The following FDFT1 variants were observed in gnomAD, a reference collection of about 807,000 sequenced individuals.
FDFT1 encodes the protein squalene synthase.
In FDFT1, 68 loss-of-function variants were observed where a neutral mutation model predicts 46.8. The observed-to-expected ratio is 1.45, with a 90% CI of 1.19 to 1.78. The LOEUF (loss-of-function observed/expected upper bound fraction) is 1.78, where lower values mean the gene tolerates loss of function less well. Among genes scored for constraint, FDFT1 ranks in the 40% most tolerant of loss-of-function variants. The probability of loss-of-function intolerance (pLI) is 0.00; values close to 1 mark genes in which losing one functional copy is unlikely to be tolerated. For synonymous variants in FDFT1, 351 were observed against 185.1 expected, an observed-to-expected ratio of 1.90 and a Z score of -7.28; for missense variants, 928 against 524.4, an observed-to-expected ratio of 1.77 and a Z score of -7.52.
upstream of FDFT1, chr8:11,802,377 G>C (rs1227792826): frequency 1.5e-5 from 7 of 453,340 alleles, no homozygotes; most frequent in African/African-American, 4.0e-5. Context: ...CCCGACTGCG[G>C]ACCACCGTTG....
At chr8:11,828,506 C>T (rs1007848166) in intron 5 of FDFT1, among the ~76,000 whole-genome samples, 3 of 152,162 alleles carry the variant, frequency 2.0e-5, no homozygotes, top group South Asian at 2.1e-4. Context: ...CTCAGTCTCC[C>T]GGCTCCTAGG....
At position 11,839,160 on chromosome 8, in the gene FDFT1, G is replaced by A. The variant is rs1811982547; in HGVS notation, c.*551G>A. On this transcript the variant is annotated 3_prime_UTR_variant, in exon 8 of 8. Coordinates refer to ENST00000220584, the MANE Select transcript of FDFT1 (RefSeq NM_004462.5). ...ACAAAGGCTGGGAATAAAATTCTGG[G>A]TATTCTCGTATTCTCATTTAAAGGA... 1 of 154,740 alleles carries A rather than the reference G, an allele frequency of 6.5e-6. No individual in the cohort carries two copies. The highest frequency in any genetic ancestry group is 2.4e-5 in the African/African-American group (1 of 41,560). The allele number at this position is 154,740 out of a possible 1,614,324, so 9.6% of individuals were successfully genotyped here.
Position 11,810,373 on chromosome 8 carries a change from G to T in FDFT1, c.381+523G>T, listed in dbSNP as rs886586034. Among the ~76,000 whole-genome samples, 6 of 152,298 alleles carry T rather than the reference G, an allele frequency of 3.9e-5. No homozygotes were observed. In the East Asian group the frequency reaches 5.8e-4, roughly 15 times the overall value. On this transcript the variant is annotated intron_variant, in intron 3 of 7. Transcript: ENST00000220584. ...TAGCATGGGACTGCTGCTCACGATG[G>T]GCAGCAGCCTGGCATGGGGGCGGTG...
chr8:11,824,339 T>C (rs985596483), intron 4 of FDFT1, among the ~76,000 whole-genome samples: 4 of 152,210 alleles, frequency 2.6e-5, no homozygotes, highest in African/African-American at 7.2e-5. Context: ...TATTTGGCAA[T>C]TAAGAGTTGC....
At chr8:11,831,714 A>G (rs372255856) in intron 7 of FDFT1, 44 bp downstream of exon 7, 34 of 1,496,206 alleles carry the variant, frequency 2.3e-5, no homozygotes, top group Non-Finnish European at 3.1e-5. Flanking sequence ...AGCTACTTTT[A>G]TGATTTAGTA....
chr8:11,809,902 A>G (rs776258339), intron 3 of FDFT1, 52 bp downstream of exon 3: 2 of 1,411,842 alleles, frequency 1.4e-6, no homozygotes, highest in Non-Finnish European at 2.0e-6. Flanking sequence ...ATAATTGCTA[A>G]CGTGGTTGTC....
At chr8:11,820,836 C>T (rs938425519) in intron 3 of FDFT1, among the ~76,000 whole-genome samples, 6 of 152,308 alleles carry the variant, frequency 3.9e-5, no homozygotes, top group South Asian at 2.1e-4. Context: ...GATGAGGTGA[C>T]GTCCTGCCCT....
intron 5 of FDFT1, among the ~76,000 whole-genome samples, chr8:11,829,213 A>G (rs1268312925): frequency 2.0e-5 from 3 of 152,222 alleles, no homozygotes; most frequent in African/African-American, 7.2e-5. Flanking sequence ...AATGTACATA[A>G]TAGAGAATTT....
At chr8:11,797,162 C>T (rs777710948) in intron 1 of FDFT1, among the ~76,000 whole-genome samples, 3 of 152,132 alleles carry the variant, frequency 2.0e-5, no homozygotes, top group African/African-American at 4.8e-5. Context: ...CTGCTTCGGC[C>T]CCTCCCTGTT....
intron 1 of FDFT1, 145 bp from the exon 2 acceptor site, chr8:11,808,649 C>T: frequency 1.4e-6 from 2 of 1,409,742 alleles, no homozygotes; most frequent in Admixed American, 3.0e-5. Flanking sequence ...CTCCTGCCGC[C>T]TGGCCCTGCA....
At chr8:11,810,135 C>G (rs1201640161) in intron 3 of FDFT1, among the ~76,000 whole-genome samples, 1 of 152,160 alleles carries the variant, frequency 6.6e-6, no homozygotes, top group Non-Finnish European at 1.5e-5. Flanking sequence ...TCATGGTATT[C>G]TGAGGATTCA....
upstream of FDFT1, chr8:11,802,239 G>T (rs906484388): frequency 2.6e-6 from 1 of 384,536 alleles, no homozygotes; most frequent in Admixed American, 3.3e-5. Flanking sequence ...GCGCTGGCCC[G>T]GCCTTTTCAC....
chr8:11,821,296 T>A (rs193108218), intron 3 of FDFT1, among the ~76,000 whole-genome samples: 15 of 152,308 alleles, frequency 9.8e-5, no homozygotes, highest in African/African-American at 3.4e-4. Flanking sequence ...ATTTATGAAA[T>A]AATAAGAAAC....
chr8:11,833,447 G>T (rs1003770197), intron 7 of FDFT1, among the ~76,000 whole-genome samples: 1 of 152,198 alleles, frequency 6.6e-6, no homozygotes, highest in East Asian at 1.9e-4. Flanking sequence ...AACATTTTAT[G>T]TAGTAAGTAG....
intron 5 of FDFT1, among the ~76,000 whole-genome samples, chr8:11,827,648 A>G (rs1810185681): frequency 6.6e-6 from 1 of 152,230 alleles, no homozygotes; most frequent in African/African-American, 2.4e-5. Flanking sequence ...AAAAATGGGC[A>G]AGGAGATAAG....
intron 1 of FDFT1, chr8:11,808,146 G>A (rs1807110292): frequency 3.5e-6 from 2 of 570,362 alleles, no homozygotes; most frequent in Admixed American, 5.9e-5. Context: ...AGGATTCTTG[G>A]TAAAACTGGG....
In FDFT1 at chr8:11,839,095, C is replaced by T. The variant is rs1346826774; in HGVS notation, c.*486C>T. 6.4e-6 allele frequency: 1 copy of T among 157,240 alleles called. No homozygotes were observed. Among genetic ancestry groups the T allele is most frequent in the Admixed American group, 6.1e-5 (1 of 16,350 alleles). 9.7% of individuals were successfully genotyped at this position (157,240 alleles called of 1,614,324 possible). On this transcript the variant is annotated 3_prime_UTR_variant, in exon 8 of 8. Transcript: ENST00000220584. The stretch of plus-strand genomic sequence containing the variant: ...ATAGAAATATTTATGGTTTAGGTAA[C>T]AGTTAGATGTTTCCTAAGAATGCAA...
chr8:11,835,574 G>A (rs1254717358), intron 7 of FDFT1, among the ~76,000 whole-genome samples: 1 of 152,116 alleles, frequency 6.6e-6, no homozygotes, highest in Non-Finnish European at 1.5e-5. Context: ...GGTTTTTGTT[G>A]GTTGTGTATA....
At chr8:11,830,677 G>A (rs898702390) in intron 6 of FDFT1, among the ~76,000 whole-genome samples, 2 of 152,156 alleles carry the variant, frequency 1.3e-5, no homozygotes, top group African/African-American at 4.8e-5. Context: ...AAACTAGTTA[G>A]GTTCTTTTCC....
Sources: allele counts gnomAD v4.1 joint callset (sites outside exome capture counted in the v4.1 genomes callset), GRCh38; gene constraint gnomAD v4.1.1; transcripts MANE v1.5; gene names NCBI Gene and HGNC (gene_info 2026-07-23, HGNC 2026-07-21).